The following DZIP1 variants were observed in gnomAD, a reference collection of about 807,000 sequenced individuals.
DZIP1 encodes the protein cilium assembly protein DZIP1.
Under a neutral mutation model 107.6 loss-of-function variants are expected in DZIP1, and 97 were observed. That is an observed-to-expected ratio of 0.90 (90% CI 0.77 to 1.07). The LOEUF is 1.07. DZIP1 is among the 50% of genes least tolerant of loss of function. The probability of loss-of-function intolerance (pLI) is 0.00; values close to 1 mark genes in which losing one functional copy is unlikely to be tolerated. For synonymous variants in DZIP1, 390 were observed against 386.4 expected (o/e 1.01, Z -0.11); for missense variants, 1,035 against 1,063.6 (o/e 0.97, Z 0.37).
At chr13:95,636,678 T>C (rs78383271) in intron 5 of DZIP1, among the ~76,000 whole-genome samples, 3,081 of 151,796 alleles carry the variant, frequency 0.02, 87 homozygotes, top group African/African-American at 0.065. Flanking sequence ...AAGGAAAGAA[T>C]TAAAGCAATG....
chr13:95,613,480 C>A (rs183799967), intron 10 of DZIP1, among the ~76,000 whole-genome samples: 1 of 151,778 alleles, frequency 6.6e-6, no homozygotes. Context: ...TCTTTGCACT[C>A]CAGCCTGGGT....
At chr13:95,591,038 T>G (rs541651774) in intron 16 of DZIP1, among the ~76,000 whole-genome samples, 293 of 150,414 alleles carry the variant, frequency 1.9e-3, no homozygotes, top group Middle Eastern at 3.5e-3. Context: ...TTTTTTTTTT[T>G]TTTTTCCTGA....
intron 7 of DZIP1, 81 bp downstream of exon 7, chr13:95,629,908 C>A: frequency 7.1e-7 from 1 of 1,410,586 alleles, no homozygotes. Context: ...CTTAAGTGTC[C>A]TCTGTTTATT....
intron 13 of DZIP1, among the ~76,000 whole-genome samples, chr13:95,607,584 A>C (rs1351102476): frequency 6.6e-6 from 1 of 152,152 alleles, no homozygotes; most frequent in African/African-American, 2.4e-5. Flanking sequence ...TCTATGGCTG[A>C]TTTTGCACTA....
At chr13:95,596,024 T>C (rs1193469497) in intron 15 of DZIP1, among the ~76,000 whole-genome samples, 1 of 152,156 alleles carries the variant, frequency 6.6e-6, no homozygotes. Context: ...TGTCCTCAAA[T>C]TCACCTTATA....
chr13:95,609,245 T>C (rs763821593), intron 13 of DZIP1, among the ~76,000 whole-genome samples: 1 of 152,352 alleles, frequency 6.6e-6, no homozygotes, highest in African/African-American at 2.4e-5. Context: ...ATAATAGCTA[T>C]AGCTAATCAA....
chr13:95,613,308 T>C (rs1594696994), intron 10 of DZIP1, among the ~76,000 whole-genome samples: 1 of 150,814 alleles, frequency 6.6e-6, no homozygotes, highest in African/African-American at 2.4e-5. Context: ...AGGTCAGGAG[T>C]TTCAGACCAG....
chr13:95,582,351 A>T (rs376258950), intron 22 of DZIP1, 38 bp from the exon 23 acceptor site: 3 of 1,505,874 alleles, frequency 2.0e-6, no homozygotes, highest in Admixed American at 1.7e-5. Flanking sequence ...GAAGGCCTCA[A>T]TGGTTAAACA....
intron 5 of DZIP1, among the ~76,000 whole-genome samples, chr13:95,637,727 A>G (rs375806929): frequency 1.3e-5 from 2 of 152,020 alleles, no homozygotes; most frequent in African/African-American, 4.8e-5. Flanking sequence ...CTCACCAGGA[A>G]CCATCCCTGT....
rs2044031600 is a variant in DZIP1 at position 95,582,372 on chromosome 13, C to G, written c.2525-59G>C. 8 of 1,378,670 alleles carry G rather than the reference C, an allele frequency of 5.8e-6. No homozygotes were observed. In the Admixed American group the frequency reaches 1.4e-4, roughly 23 times the overall value. 85.4% of individuals were successfully genotyped at this position (1,378,670 alleles called of 1,614,324 possible). A position where few individuals can be genotyped will look rare whatever the true frequency, so the allele number is the denominator to read the frequency against. ...CTCAATGGTTAAACAAGCACATTGT[C>G]AAGTCTATAAAAATCCATAATTTCA... On this transcript the variant is annotated intron_variant, in intron 22 of 22. Coordinates refer to ENST00000376829, the MANE Select transcript of DZIP1 (RefSeq NM_198968.4).
In DZIP1 at chr13:95,581,739, G is replaced by GA. The variant is rs2044016301; in HGVS notation, c.*494dup. On this transcript the variant is annotated 3_prime_UTR_variant, in exon 23 of 23. Transcript: ENST00000376829. Reference sequence around the variant, plus strand: ...ACTCGGATTAAACTTACTTCTATATGAAAAATAACCAGACTAACTTTTAAG... The same window carrying GA: ...ACTCGGATTAAACTTACTTCTATATGAAAAAATAACCAGACTAACTTTTAAG... The GA allele has an allele frequency of 6.6e-6, 1 of 152,262 alleles. No individual in the cohort carries two copies. Among genetic ancestry groups the GA allele is most frequent in the Non-Finnish European group, 1.5e-5 (1 of 68,214 alleles). 9.4% of individuals were successfully genotyped at this position (152,262 alleles called of 1,614,324 possible).
chr13:95,627,435 C>G (rs1594724891), intron 7 of DZIP1, among the ~76,000 whole-genome samples: 1 of 152,026 alleles, frequency 6.6e-6, no homozygotes, highest in South Asian at 2.1e-4. Context: ...TACAGCTCAA[C>G]AAGAAAAAGG....
In DZIP1 at chr13:95,599,285, A is replaced by G; in HGVS notation, c.1537+80T>C. The G allele has an allele frequency of 1.4e-5, 18 of 1,266,252 alleles. 1 individual carries two copies. In the South Asian group the frequency reaches 1.5e-4, roughly 11 times the overall value. 78.4% of individuals were successfully genotyped at this position (1,266,252 alleles called of 1,614,324 possible). ...ATTTTGATGTAGTGGAATAAAAACC[A>G]CTGGCTCATATTTTCCAGGCCTAGA... On this transcript the variant is annotated intron_variant, in intron 15 of 22. Coordinates refer to ENST00000376829, the MANE Select transcript of DZIP1 (RefSeq NM_198968.4).
chr13:95,600,326 A>C (rs1370729718), intron 14 of DZIP1, among the ~76,000 whole-genome samples: 2 of 152,088 alleles, frequency 1.3e-5, no homozygotes, highest in African/African-American at 4.8e-5. Flanking sequence ...TCCCCCCACC[A>C]GCTCTCCACT....
Position 95,641,354 on chromosome 13 carries a change from G to C in DZIP1, c.538C>G (p.Arg180Gly). 1 of 1,612,464 alleles carries C rather than the reference G, an allele frequency of 6.2e-7. No homozygotes were observed. Among genetic ancestry groups the C allele is most frequent in the Non-Finnish European group, 8.5e-7 (1 of 1,178,642 alleles). Residue 180 changes from arginine (R) to glycine (G), a missense_variant, in exon 5 of 23, where the codon CGG (arginine) becomes GGG (glycine). Transcript: ENST00000376829. The surrounding 1 kb of genome is among the most constrained non-coding windows in gnomAD (Gnocchi z 4.3). The part of the protein sequence containing the change: ...IKTLKEECKR[R>G]KKMISTQQLM... ...TGCTGGGTGGAGATCATCTTCTTCC[G>C]GCGTTTGCACTCTTCCTTGAGCGTC...
intron 14 of DZIP1, among the ~76,000 whole-genome samples, chr13:95,605,663 C>G (rs1274544846): frequency 1.3e-5 from 2 of 152,232 alleles, no homozygotes; most frequent in Non-Finnish European, 2.9e-5. Flanking sequence ...TGCTGGTTGG[C>G]TGGTCTGGTA....
At chr13:95,620,576 C>A (rs1045534956) in intron 9 of DZIP1, among the ~76,000 whole-genome samples, 1 of 152,158 alleles carries the variant, frequency 6.6e-6, no homozygotes, top group East Asian at 1.9e-4. Context: ...GGCCAGACAA[C>A]TTGGTCACAA....
At chr13:95,640,183 G>C (rs1317897256) in intron 5 of DZIP1, among the ~76,000 whole-genome samples, 1 of 151,954 alleles carries the variant, frequency 6.6e-6, no homozygotes, top group Admixed American at 6.6e-5. Context: ...AGTAGACACG[G>C]GGTTTCACCA....
At chr13:95,609,023 G>T (rs1310797306) in intron 13 of DZIP1, among the ~76,000 whole-genome samples, 1 of 152,250 alleles carries the variant, frequency 6.6e-6, no homozygotes, top group Non-Finnish European at 1.5e-5. Context: ...GACAGCTCCG[G>T]GAGATAGAGC....
Sources: gnomAD v4.1 joint callset for allele counts (sites outside exome capture counted in the v4.1 genomes callset) on GRCh38, gnomAD v4.1.1 for gene constraint, Gnocchi (gnomAD v3.1) non-coding constraint, MANE v1.5 for transcripts, NCBI Gene and HGNC (gene_info 2026-07-23, HGNC 2026-07-21) for gene names.